Variants in USP32 observed in about 807,000 individuals in gnomAD.
USP32 encodes ubiquitin specific peptidase 32, also known as ubiquitin carboxyl-terminal hydrolase 32.
Under a neutral mutation model 204.8 loss-of-function variants are expected in USP32, and 59 were observed. That is an observed-to-expected ratio of 0.29 (90% CI 0.23 to 0.36). The LOEUF (loss-of-function observed/expected upper bound fraction) is 0.36. USP32 is among the 10% of genes least tolerant of loss of function. The pLI, the probability that USP32 is intolerant of heterozygous loss-of-function variation, is 1.00. For missense variants in USP32, 1,160 were observed against 1,946.4 expected (o/e 0.60, Z 7.60); for synonymous variants, 517 against 678.4 (o/e 0.76, Z 3.70).
At chr17:60,288,805 T>A in intron 4 of USP32, 123 bp from the exon 5 acceptor site, 1 of 780,112 alleles carries the variant, frequency 1.3e-6, no homozygotes, top group South Asian at 1.9e-5. Context: ...AAGGAAGGAT[T>A]ATCTAATAAC....
At chr17:60,206,950 A>G (rs999382137) in intron 25 of USP32, 71 bp downstream of exon 25, 4 of 1,539,368 alleles carry the variant, frequency 2.6e-6, no homozygotes, top group Non-Finnish European at 3.5e-6. Context: ...GAACAAATAT[A>G]AAAAAGATGA....
At position 60,420,166 on chromosome 17, in the gene USP32, G is replaced by A. The variant is rs1473629183; in HGVS notation, c.106+2080C>T. On this transcript the variant is annotated intron_variant, in intron 1 of 3. Coordinates refer to the USP32 transcript ENST00000588898. ...GTATTTTTAGTAGAGACTAAAAATA[G>A]TAGAGAGTTTTAGTAGAGGGTTTTG... Among the ~76,000 whole-genome samples the A allele has an allele frequency of 2.0e-5, 3 of 150,464 alleles. No homozygotes were observed. In the East Asian group the frequency reaches 5.9e-4, roughly 30 times the overall value.
intron 4 of USP32, among the ~76,000 whole-genome samples, chr17:60,289,592 G>C (rs1022107146): frequency 6.6e-6 from 1 of 152,066 alleles, no homozygotes; most frequent in Non-Finnish European, 1.5e-5. Flanking sequence ...TATTTTTCTT[G>C]ATAAATCTCT....
At position 60,248,029 on chromosome 17, in the gene USP32, T is replaced by G. The variant is rs575357621; in HGVS notation, c.1136+4352A>C. ...CTGTTCTGTTCCATTGGTCTATTTG[T>G]CTGTTCTTATGTCAGTGCCATGCTG... On this transcript the variant is annotated intron_variant, in intron 11 of 33. Coordinates refer to ENST00000300896, the MANE Select transcript of USP32 (RefSeq NM_032582.4). Among the ~76,000 whole-genome samples, 30 of 152,332 alleles carry G rather than the reference T, an allele frequency of 2.0e-4. No homozygotes were observed. In the South Asian group the frequency reaches 5.4e-3, roughly 27 times the overall value.
At chr17:60,366,204 G>A (rs911812860) in intron 1 of USP32, among the ~76,000 whole-genome samples, 1 of 151,956 alleles carries the variant, frequency 6.6e-6, no homozygotes, top group Non-Finnish European at 1.5e-5. Flanking sequence ...TGTCGCCTAG[G>A]CTGGAGTGCA....
intron 5 of USP32, among the ~76,000 whole-genome samples, chr17:60,272,371 A>G (rs1391831234): frequency 2.0e-5 from 3 of 152,232 alleles, no homozygotes; most frequent in Admixed American, 6.5e-5. Context: ...CTCATTCCTC[A>G]GAATATACAT....
At chr17:60,307,411 T>C (rs1219614386) in intron 2 of USP32, among the ~76,000 whole-genome samples, 1 of 152,164 alleles carries the variant, frequency 6.6e-6, no homozygotes, top group Non-Finnish European at 1.5e-5. Context: ...AGAATTCATT[T>C]TGTTGAAATG....
At chr17:60,370,764 C>CAA (rs112650493) in intron 1 of USP32, among the ~76,000 whole-genome samples, 16 of 72,694 alleles carry the variant, frequency 2.2e-4, no homozygotes, top group Admixed American at 3.1e-4. Context: ...GCTACTGTCT[C>CAA]AAAAAAAAAA....
At chr17:60,391,499 T>C (rs981171804) in intron 1 of USP32, among the ~76,000 whole-genome samples, 23 of 152,030 alleles carry the variant, frequency 1.5e-4, no homozygotes, top group Admixed American at 1.0e-3. Flanking sequence ...AGGATGTTAT[T>C]TGAGGTTTTT....
At chr17:60,321,889 C>T (rs1172771276) in intron 2 of USP32, among the ~76,000 whole-genome samples, 3 of 150,432 alleles carry the variant, frequency 2.0e-5, no homozygotes, top group African/African-American at 7.3e-5. Flanking sequence ...TTTTTTTAGC[C>T]CTAGTGATAC....
chr17:60,387,987 T>C (rs2089760374), intron 1 of USP32, among the ~76,000 whole-genome samples: 1 of 152,172 alleles, frequency 6.6e-6, no homozygotes, highest in Non-Finnish European at 1.5e-5. Flanking sequence ...ATTGTCTATA[T>C]ACACTTAGTG....
At chr17:60,408,337 A>C (rs2089994548) in intron 1 of USP32, among the ~76,000 whole-genome samples, 2 of 152,130 alleles carry the variant, frequency 1.3e-5, no homozygotes, top group African/African-American at 4.8e-5. Flanking sequence ...CTAGTGGTGA[A>C]AAATACAGTA....
chr17:60,413,861 C>CAA (rs1307789444), intron 1 of USP32, among the ~76,000 whole-genome samples: 34 of 31,586 alleles, frequency 1.1e-3, no homozygotes, highest in African/African-American at 2.7e-3. Context: ...GATTCTGTCT[C>CAA]AAAAAAAAAA....
intron 1 of USP32, among the ~76,000 whole-genome samples, chr17:60,357,155 GAAC>G (rs767941105): frequency 6.6e-5 from 10 of 152,132 alleles, no homozygotes; most frequent in Non-Finnish European, 1.3e-4. Context: ...GGAACAGAAA[GAAC>G]AACAAATGAA....
At chr17:60,261,683 C>G (rs935157188) in intron 9 of USP32, among the ~76,000 whole-genome samples, 6 of 151,366 alleles carry the variant, frequency 4.0e-5, no homozygotes, top group African/African-American at 1.5e-4. Flanking sequence ...AACAAAAAAA[C>G]AAAAAAAGGA....
intron 1 of USP32, among the ~76,000 whole-genome samples, chr17:60,380,716 G>A (rs373820842): frequency 1.6e-3 from 240 of 152,234 alleles, no homozygotes; most frequent in African/African-American, 4.9e-3. Flanking sequence ...TCCTAAAATT[G>A]CATGGAATTT....
chr17:60,359,713 C>T (rs2089161505), intron 1 of USP32, among the ~76,000 whole-genome samples: 1 of 151,652 alleles, frequency 6.6e-6, no homozygotes, highest in Non-Finnish European at 1.5e-5. Context: ...GGGAGCTACT[C>T]AGGTGGGAGG....
At position 60,194,174 on chromosome 17, in the gene USP32, G is replaced by A. The variant is rs2084455400; in HGVS notation, c.3435-1244C>T. On this transcript the variant is annotated intron_variant, in intron 27 of 33. Transcript: ENST00000300896. ...TCCTCCCACATCAGCCTCCCAAGTAGCTAGGATTACAGGCACGCAACACCA... is the reference window on the plus strand; with the variant it reads ...TCCTCCCACATCAGCCTCCCAAGTAACTAGGATTACAGGCACGCAACACCA... Among the ~76,000 whole-genome samples, 4 of 151,996 alleles carry A rather than the reference G, an allele frequency of 2.6e-5. No individual in the cohort carries two copies. The South Asian group carries it at 8.3e-4, about 32-fold the overall frequency.
rs1295592202 is a variant in USP32 at position 60,205,640 on chromosome 17, G to A, written c.3056C>T (p.Ser1019Phe). 1 of 1,613,988 alleles carries A rather than the reference G, an allele frequency of 6.2e-7. No homozygotes were observed. Among genetic ancestry groups the A allele is most frequent in the Admixed American group, 1.7e-5 (1 of 60,010 alleles). The part of the protein sequence containing the change: ...PTQTDFSSSP[S>F]TNEMFTLTTN... The stretch of plus-strand genomic sequence containing the variant: ...AGTTAGGGTGAACATTTCATTTGTA[G>A]ATGGCGAAGAGGAGAAATCTACAAA... The change falls in exon 26 of 34, where the codon TCT becomes TTT. Residue 1019 changes from serine (S) to phenylalanine (F), a missense_variant. This residue lies in a region of USP32 where 47 missense variants were observed against 71.1 expected (regional missense o/e 0.66). Transcript: ENST00000300896.
Sources: gnomAD v4.1 joint callset for allele counts (sites outside exome capture counted in the v4.1 genomes callset) on GRCh38, gnomAD v4.1.1 for gene constraint, gnomAD v4.1.1 regional missense constraint, MANE v1.5 for transcripts, NCBI Gene and HGNC (gene_info 2026-07-23, HGNC 2026-07-21) for gene names.